FMNL2: variants seen among roughly 807,000 people sequenced by gnomAD.
The protein encoded by FMNL2 is formin like 2, also known as formin-like protein 2.
In FMNL2, 51 loss-of-function variants were observed where a neutral mutation model predicts 130.2. The observed-to-expected ratio is 0.39, with a 90% CI of 0.31 to 0.49. FMNL2 has a LOEUF of 0.49. FMNL2 is among the 20% of genes least tolerant of loss of function. The pLI, the probability that FMNL2 is intolerant of heterozygous loss-of-function variation, is 0.85. For synonymous variants in FMNL2, 465 were observed against 467.1 expected, an observed-to-expected ratio of 1.00 and a Z score of 0.06; for missense variants, 977 against 1,316.2, an observed-to-expected ratio of 0.74 and a Z score of 3.99.
At chr2:152,357,140 C>T (rs571789104) in intron 1 of FMNL2, among the ~76,000 whole-genome samples, 8 of 126,666 alleles carry the variant, frequency 6.3e-5, no homozygotes, top group East Asian at 2.3e-4. Context: ...TAATGTATCA[C>T]GATAAATATT....
chr2:152,408,578 G>A (rs959559791), intron 1 of FMNL2, among the ~76,000 whole-genome samples: 3 of 152,092 alleles, frequency 2.0e-5, no homozygotes, highest in South Asian at 2.1e-4. Context: ...CTAGACTTAC[G>A]GGTTTTTTTT....
Position 152,643,564 on chromosome 2 carries a change from T to C in FMNL2, c.3169+2650T>C. Reference sequence around the variant, plus strand: ...TAAAAGGTTGCTACAGGTTTTTTGATGTCTTATGTCCCCCTCTGTGTGTCT... The same window carrying C: ...TAAAAGGTTGCTACAGGTTTTTTGACGTCTTATGTCCCCCTCTGTGTGTCT... On this transcript the variant is annotated intron_variant, in intron 25 of 25. Transcript: ENST00000288670. 6 of 1,535,172 alleles carry C rather than the reference T, an allele frequency of 3.9e-6. No individual in the cohort carries two copies. The East Asian group carries it at 1.5e-4, about 38-fold the overall frequency.
intron 11 of FMNL2, among the ~76,000 whole-genome samples, 169 bp downstream of exon 11, chr2:152,611,774 C>T (rs1402495185): frequency 1.3e-5 from 2 of 152,234 alleles, no homozygotes; most frequent in African/African-American, 4.8e-5. Flanking sequence ...GCCAGAGATG[C>T]TGGATTCTTG....
chr2:152,564,096 A>G (rs1196699450), intron 6 of FMNL2, among the ~76,000 whole-genome samples: 1 of 152,082 alleles, frequency 6.6e-6, no homozygotes, highest in Non-Finnish European at 1.5e-5. Flanking sequence ...CTGTTATCAT[A>G]TTATGATTCC....
intron 1 of FMNL2, among the ~76,000 whole-genome samples, chr2:152,477,665 T>A (rs1039742534): frequency 6.6e-6 from 1 of 152,014 alleles, no homozygotes; most frequent in Non-Finnish European, 1.5e-5. Flanking sequence ...ATAGGTGAGG[T>A]TCTTATATAA....
At chr2:152,510,742 A>G (rs1031400836) in intron 1 of FMNL2, among the ~76,000 whole-genome samples, 1 of 152,226 alleles carries the variant, frequency 6.6e-6, no homozygotes. Context: ...GAAAACTAAG[A>G]GCAGAAAAAT....
intron 9 of FMNL2, among the ~76,000 whole-genome samples, chr2:152,598,339 G>A (rs558219580): frequency 2.0e-5 from 3 of 152,296 alleles, no homozygotes; most frequent in Admixed American, 6.5e-5. Context: ...TGACTGGTAA[G>A]TCATCCCAGA....
intron 1 of FMNL2, among the ~76,000 whole-genome samples, chr2:152,405,988 T>C (rs573727367): frequency 2.1e-4 from 32 of 152,240 alleles, no homozygotes; most frequent in Non-Finnish European, 3.7e-4. Context: ...ATTCTTCTGA[T>C]TTTCAGGACA....
chr2:152,619,823 T>C lies in FMNL2; in HGVS notation c.1837+105T>C. ...AGTCCAGGTCTCTTGCAATGATGTGTATCTCTTCCTAGTATAAGAAATTCC... is the reference window on the plus strand; with the variant it reads ...AGTCCAGGTCTCTTGCAATGATGTGCATCTCTTCCTAGTATAAGAAATTCC... On this transcript the variant is annotated intron_variant, in intron 15 of 25. Transcript: ENST00000288670. 2.0e-6 allele frequency: 3 copies of C among 1,501,230 alleles called. No individual in the cohort carries two copies. In the South Asian group the frequency reaches 3.9e-5, roughly 20 times the overall value. The allele number at this position is 1,501,230 out of a possible 1,614,324, so 93.0% of individuals were successfully genotyped here.
chr2:152,488,628 CTG>C (rs1558906457), intron 1 of FMNL2, among the ~76,000 whole-genome samples: 1 of 152,082 alleles, frequency 6.6e-6, no homozygotes, highest in African/African-American at 2.4e-5. Context: ...ATATATATAC[CTG>C]TGTGTATGTA....
At chr2:152,451,888 A>G (rs1376800532) in intron 1 of FMNL2, among the ~76,000 whole-genome samples, 1 of 152,068 alleles carries the variant, frequency 6.6e-6, no homozygotes, top group Non-Finnish European at 1.5e-5. Context: ...GTTTGGAGGG[A>G]AAAGAATTAG....
At chr2:152,593,838 G>GGAGAGAGAGAGAGAGAGAGAGA (rs147035875) in intron 9 of FMNL2, among the ~76,000 whole-genome samples, 1 of 85,008 alleles carries the variant, frequency 1.2e-5, no homozygotes, top group African/African-American at 4.2e-5. Context: ...AGGTGACTAG[G>GGAGAGAGAGAGAGAGAGAGAGA]GAGAGAGAGA....
At chr2:152,613,828 A>G (rs1392354529) in intron 11 of FMNL2, among the ~76,000 whole-genome samples, 3 of 152,234 alleles carry the variant, frequency 2.0e-5, no homozygotes, top group African/African-American at 7.2e-5. Flanking sequence ...TCTGTTCCCC[A>G]GGGAAAGTCA....
chr2:152,575,084 A>C, intron 6 of FMNL2, 52 bp from the exon 7 acceptor site: 1 of 1,127,220 alleles, frequency 8.9e-7, no homozygotes, highest in Non-Finnish European at 1.3e-6. Context: ...GCATGTGCCT[A>C]TGCTAAGAAA....
chr2:152,579,999 A>G (rs1241513268), intron 8 of FMNL2, among the ~76,000 whole-genome samples: 20 of 152,246 alleles, frequency 1.3e-4, no homozygotes, highest in Non-Finnish European at 2.4e-4. Flanking sequence ...AACACGAACT[A>G]TCAAGTCCTC....
At chr2:152,427,440 G>A (rs1366259810) in intron 1 of FMNL2, among the ~76,000 whole-genome samples, 2 of 152,124 alleles carry the variant, frequency 1.3e-5, no homozygotes, top group East Asian at 1.9e-4. Context: ...GCAGCTACTC[G>A]AGAGGCTGAG....
intron 2 of FMNL2, among the ~76,000 whole-genome samples, chr2:152,537,162 G>A (rs1694036057): frequency 1.3e-5 from 2 of 152,222 alleles, no homozygotes; most frequent in African/African-American, 4.8e-5. Flanking sequence ...AAAAGGCTAT[G>A]TTGTAGCATA....
At chr2:152,437,230 G>T (rs1406351445) in intron 1 of FMNL2, among the ~76,000 whole-genome samples, 1 of 152,130 alleles carries the variant, frequency 6.6e-6, no homozygotes, top group Non-Finnish European at 1.5e-5. Context: ...TGTGGGGTGG[G>T]GAAGAGGGAC....
intron 1 of FMNL2, among the ~76,000 whole-genome samples, chr2:152,432,095 A>G (rs943095151): frequency 1.3e-5 from 2 of 151,524 alleles, no homozygotes; most frequent in African/African-American, 4.9e-5. Flanking sequence ...ATTTTATGAA[A>G]TGTGGTTTAT....
Sources: allele counts gnomAD v4.1 joint callset (sites outside exome capture counted in the v4.1 genomes callset), GRCh38; gene constraint gnomAD v4.1.1; transcripts MANE v1.5; gene names NCBI Gene and HGNC (gene_info 2026-07-23, HGNC 2026-07-21).